Variants in RPN2 observed in about 807,000 individuals in gnomAD.
RPN2 encodes ribophorin II, also known as dolichyl-diphosphooligosaccharide--protein glycosyltransferase subunit 2.
Under a neutral mutation model 71.4 loss-of-function variants are expected in RPN2, and 29 were observed. The ratio of observed to expected loss-of-function variants is 0.41; its 90% CI spans 0.30 to 0.55. The LOEUF is 0.55. RPN2 is among the 20% of genes least tolerant of loss of function. The pLI is 0.35. For missense variants in RPN2, 726 were observed against 774.1 expected, an observed-to-expected ratio of 0.94 and a Z score of 0.74; for synonymous variants, 308 against 305.0, an observed-to-expected ratio of 1.01 and a Z score of -0.10.
rs2067032175 is a variant in RPN2 at position 37,187,480 on chromosome 20, C to T, written c.207+3107C>T. 3.3e-4 allele frequency among the ~76,000 whole-genome samples: 2 copies of T among 6,042 alleles called. 1 individual carries two copies. Among genetic ancestry groups the T allele is most frequent in the African/African-American group, 2.1e-3 (2 of 972 alleles). 4.0% of individuals were successfully genotyped at this position (6,042 alleles called of 152,430 possible). A position where few individuals can be genotyped will look rare whatever the true frequency, so the allele number is the denominator to read the frequency against. The stretch of plus-strand genomic sequence containing the variant: ...TCCCGCCACTGCACTCCAGCCTGGG[C>T]GACAGAGCGAGACTCCGTCTCAAAA... On this transcript the variant is annotated intron_variant, in intron 2 of 16. Transcript: ENST00000237530.
chr20:37,239,874 A>T (rs376325687), intron 16 of RPN2, among the ~76,000 whole-genome samples: 3 of 152,020 alleles, frequency 2.0e-5, no homozygotes, highest in African/African-American at 7.3e-5. Context: ...CCTTGCTGCT[A>T]CATGTTGAGT....
At chr20:37,239,698 T>C (rs954150776) in intron 16 of RPN2, among the ~76,000 whole-genome samples, 2 of 152,162 alleles carry the variant, frequency 1.3e-5, no homozygotes, top group African/African-American at 4.8e-5. Context: ...TCTGTAGTCA[T>C]GTAGCCACCA....
rs574089138 is a variant in RPN2, at chr20:37,224,084, C to T, written c.1184+115C>T. 1.3e-5 allele frequency: 11 copies of T among 832,476 alleles called. No homozygotes were observed. The African/African-American group carries it at 1.9e-4, about 14-fold the overall frequency. 51.6% of individuals were successfully genotyped at this position (832,476 alleles called of 1,614,324 possible). The stretch of plus-strand genomic sequence containing the variant: ...TCTGTGTCAGCAGCCATCCAGCTTA[C>T]ATCCTAAATTAAAGAGTCTGTAGTT... On this transcript the variant is annotated intron_variant, in intron 10 of 16. Transcript: ENST00000237530.
chr20:37,212,627 G>A (rs536241545), intron 8 of RPN2, among the ~76,000 whole-genome samples: 131 of 151,990 alleles, frequency 8.6e-4, no homozygotes, highest in Non-Finnish European at 1.5e-3. Flanking sequence ...ACAGGCACCC[G>A]CCACCATGCC....
At position 37,229,964 on chromosome 20, in the gene RPN2, T is replaced by A. The variant is rs757326424; in HGVS notation, c.1495-9T>A. ...CCTGTGCTTTTACAGACTGTCCTTA[T>A]TTTTCTAGGCTGATGTGGTCATCAA... On this transcript the variant is annotated splice_polypyrimidine_tract_variant and intron_variant, in intron 12 of 16. Coordinates refer to ENST00000237530, the MANE Select transcript of RPN2 (RefSeq NM_002951.5). 8.1e-6 allele frequency: 13 copies of A among 1,611,214 alleles called. No homozygotes were observed. The highest frequency in any genetic ancestry group is 2.5e-6 in the Non-Finnish European group (3 of 1,177,446).
intron 9 of RPN2, among the ~76,000 whole-genome samples, chr20:37,219,296 C>A (rs2067896189): frequency 6.6e-6 from 1 of 152,086 alleles, no homozygotes; most frequent in Non-Finnish European, 1.5e-5. Context: ...TCTTTATGTG[C>A]TTATTGGTCT....
chr20:37,191,577 C>A (rs1229532376), intron 2 of RPN2, among the ~76,000 whole-genome samples: 3 of 151,252 alleles, frequency 2.0e-5, no homozygotes, highest in African/African-American at 7.3e-5. Flanking sequence ...ACCATCCTGG[C>A]TAATACAGTG....
At chr20:37,198,129 G>C (rs2067293168) in intron 2 of RPN2, among the ~76,000 whole-genome samples, 2 of 152,190 alleles carry the variant, frequency 1.3e-5, no homozygotes, top group Admixed American at 6.5e-5. Flanking sequence ...CACAGTCCAT[G>C]GCCAGACAGG....
chr20:37,203,773 G>T, intron 4 of RPN2, 112 bp from the exon 5 acceptor site: 1 of 787,762 alleles, frequency 1.3e-6, no homozygotes, highest in Non-Finnish European at 2.2e-6. Context: ...AGACCAACTT[G>T]TACTTCTAAA....
chr20:37,207,299 G>T lies in RPN2; in HGVS notation c.717G>T (p.Ala239=). ...KEDQVIQLMN[A]IFSKKNFESL... is the part of the protein sequence containing the mutation. ...ATCAGGTCATCCAGCTGATGAACGCGATCTTCAGCAAGAAGAACTTTGAGT... is the reference window on the plus strand; with the variant it reads ...ATCAGGTCATCCAGCTGATGAACGCTATCTTCAGCAAGAAGAACTTTGAGT... The change falls in exon 7 of 17, where the codon GCG becomes GCT. Residue 239 remains alanine (A), a synonymous_variant. Transcript: ENST00000237530. The T allele has an allele frequency of 1.2e-6, 2 of 1,614,082 alleles. No individual in the cohort carries two copies. Among genetic ancestry groups the T allele is most frequent in the Non-Finnish European group, 1.7e-6 (2 of 1,179,924 alleles).
At chr20:37,217,104 T>C (rs1267052068) in intron 9 of RPN2, among the ~76,000 whole-genome samples, 4 of 150,808 alleles carry the variant, frequency 2.7e-5, no homozygotes, top group African/African-American at 9.8e-5. Context: ...CTAATTTTTG[T>C]ATTTTTTTCT....
intron 9 of RPN2, among the ~76,000 whole-genome samples, chr20:37,218,509 A>G (rs1410079993): frequency 6.6e-6 from 1 of 151,498 alleles, no homozygotes; most frequent in Admixed American, 6.6e-5. Context: ...GGAGTTCGAG[A>G]CCAGCCTGGT....
chr20:37,221,604 A>G (rs988151788), intron 9 of RPN2, among the ~76,000 whole-genome samples: 3 of 152,248 alleles, frequency 2.0e-5, no homozygotes, highest in Non-Finnish European at 4.4e-5. Context: ...GATGATTTCA[A>G]GATCACATTT....
At position 37,225,718 on chromosome 20, in the gene RPN2, A is replaced by G. The variant is rs780643991; in HGVS notation, c.1215A>G (p.Thr405=). 4.3e-6 allele frequency: 7 copies of G among 1,614,072 alleles called. No homozygotes were observed. The highest frequency in any genetic ancestry group is 1.6e-4 in the Middle Eastern group (1 of 6,084). Residue 405 remains threonine (T), a synonymous_variant, in exon 11 of 17, where the codon ACA becomes ACG. Coordinates refer to ENST00000237530, the MANE Select transcript of RPN2 (RefSeq NM_002951.5). Reference sequence around the variant, plus strand: ...CATACCCAGCCAAAGCCAAGGGCACATTCATCGCAGACAGCCACCAGAACT... The same window carrying G: ...CATACCCAGCCAAAGCCAAGGGCACGTTCATCGCAGACAGCCACCAGAACT... ...RVTYPAKAKG[T]FIADSHQNFA... is the part of the protein sequence containing the mutation.
intron 8 of RPN2, among the ~76,000 whole-genome samples, chr20:37,212,740 G>A (rs1474601404): frequency 6.6e-6 from 1 of 152,014 alleles, no homozygotes; most frequent in Non-Finnish European, 1.5e-5. Flanking sequence ...CTTGGCCTCC[G>A]AAAGGGCCAG....
intron 2 of RPN2, among the ~76,000 whole-genome samples, chr20:37,189,460 A>C (rs1299741505): frequency 6.6e-6 from 1 of 152,140 alleles, no homozygotes; most frequent in African/African-American, 2.4e-5. Flanking sequence ...GTATTTACCA[A>C]CTGGTCCTTT....
chr20:37,187,700 G>T (rs2067041454), intron 2 of RPN2, among the ~76,000 whole-genome samples: 1 of 151,900 alleles, frequency 6.6e-6, no homozygotes, highest in South Asian at 2.1e-4. Flanking sequence ...GAGTGCAGTG[G>T]TGTGATCTCT....
At position 37,241,363 on chromosome 20, in the gene RPN2, A is replaced by T. The variant is rs2068545948; in HGVS notation, c.*48A>T. 3 of 1,602,152 alleles carry T rather than the reference A, an allele frequency of 1.9e-6. No homozygotes were observed. The highest frequency in any genetic ancestry group is 2.6e-6 in the Non-Finnish European group (3 of 1,170,860). On this transcript the variant is annotated 3_prime_UTR_variant, in exon 17 of 17. Coordinates refer to ENST00000237530, the MANE Select transcript of RPN2 (RefSeq NM_002951.5). ...CTGAAAACTGAATGTCAAGAAAAGGAGTCAAGAACAATTCACAGTATGAGA... is the reference window on the plus strand; with the variant it reads ...CTGAAAACTGAATGTCAAGAAAAGGTGTCAAGAACAATTCACAGTATGAGA...
chr20:37,212,739 C>T (rs1361260522), intron 8 of RPN2, among the ~76,000 whole-genome samples: 1 of 151,978 alleles, frequency 6.6e-6, no homozygotes, highest in African/African-American at 2.4e-5. Flanking sequence ...CCTTGGCCTC[C>T]GAAAGGGCCA....
Sources: allele counts gnomAD v4.1 joint callset (sites outside exome capture counted in the v4.1 genomes callset), GRCh38; gene constraint gnomAD v4.1.1; transcripts MANE v1.5; gene names NCBI Gene and HGNC (gene_info 2026-07-23, HGNC 2026-07-21).